Variants in KLHL29 observed in about 807,000 individuals in gnomAD.
The protein encoded by KLHL29 is kelch-like protein 29.
A neutral mutation model predicts 80.4 loss-of-function variants in KLHL29; 21 were observed. That is an observed-to-expected ratio of 0.26 (90% CI 0.19 to 0.38). KLHL29 has a LOEUF of 0.38. KLHL29 is among the 10% of genes least tolerant of loss of function. The pLI is 1.00. For synonymous variants in KLHL29, 511 were observed against 526.8 expected, an observed-to-expected ratio of 0.97 and a Z score of 0.41; for missense variants, 867 against 1,223.9, an observed-to-expected ratio of 0.71 and a Z score of 4.35.
chr2:23,597,630 G>A (rs567792903), intron 3 of KLHL29, among the ~76,000 whole-genome samples: 4 of 151,456 alleles, frequency 2.6e-5, no homozygotes, highest in South Asian at 2.1e-4. Flanking sequence ...TCACCGTGTC[G>A]GCCAGACTGG....
rs898513388 is a variant in KLHL29 at position 23,682,068 on chromosome 2, C to T, written c.941-2331C>T. 6.6e-6 allele frequency among the ~76,000 whole-genome samples: 1 copy of T among 152,118 alleles called. No homozygotes were observed. The highest frequency in any genetic ancestry group is 2.4e-5 in the African/African-American group (1 of 41,406). Reference sequence around the variant, plus strand: ...TCTTGTTCCCTCCCTTCCTGATGTCCCACCACCATCCCCTCCAAAAACCTG... The same window carrying T: ...TCTTGTTCCCTCCCTTCCTGATGTCTCACCACCATCCCCTCCAAAAACCTG... On this transcript the variant is annotated intron_variant, in intron 5 of 13. Transcript: ENST00000486442. This position sits in a 1 kb window ranked among gnomAD's most constrained non-coding sequence, Gnocchi z 4.1.
chr2:23,530,404 T>C (rs1158756904), intron 2 of KLHL29, among the ~76,000 whole-genome samples: 1 of 152,166 alleles, frequency 6.6e-6, no homozygotes, highest in Non-Finnish European at 1.5e-5. Context: ...ACTCTAATGA[T>C]CCTGCAGAAA....
chr2:23,464,261 T>G (rs1664289813), intron 1 of KLHL29, among the ~76,000 whole-genome samples: 1 of 152,182 alleles, frequency 6.6e-6, no homozygotes, highest in Non-Finnish European at 1.5e-5. Context: ...GAGGCTCATT[T>G]CCCCAGGGTC....
intron 5 of KLHL29, among the ~76,000 whole-genome samples, chr2:23,648,685 C>T (rs915946088): frequency 1.3e-5 from 2 of 152,200 alleles, no homozygotes; most frequent in Non-Finnish European, 2.9e-5. Context: ...GGGACACCGC[C>T]GGGGCCAGGT....
At chr2:23,543,940 C>T (rs1326152258) in intron 2 of KLHL29, among the ~76,000 whole-genome samples, 1 of 152,208 alleles carries the variant, frequency 6.6e-6, no homozygotes, top group Non-Finnish European at 1.5e-5. Flanking sequence ...ACCAGGTGGA[C>T]TCTCCAGGGC....
intron 2 of KLHL29, among the ~76,000 whole-genome samples, chr2:23,537,418 ACACACACACACACACACACACACACAC>A (rs956669031): frequency 0.12 from 58 of 466 alleles, no homozygotes; most frequent in African/African-American, 0.39. Flanking sequence ...GGCAGAAACT[ACACACACACACACACACACACACACAC>A]ACACACACAC....
At chr2:23,486,719 C>T (rs569497839) in intron 2 of KLHL29, among the ~76,000 whole-genome samples, 5 of 152,188 alleles carry the variant, frequency 3.3e-5, no homozygotes, top group African/African-American at 9.7e-5. Flanking sequence ...AGCACAGCTG[C>T]GGAATTGCAG....
At chr2:23,401,137 T>C (rs1558324420) in intron 1 of KLHL29, among the ~76,000 whole-genome samples, 1 of 152,266 alleles carries the variant, frequency 6.6e-6, no homozygotes, top group East Asian at 1.9e-4. Flanking sequence ...TGTCATGACA[T>C]AGATAATGCA....
intron 3 of KLHL29, among the ~76,000 whole-genome samples, chr2:23,586,466 CCTT>C (rs1668121831): frequency 6.8e-6 from 1 of 146,302 alleles, no homozygotes; most frequent in Admixed American, 7.2e-5. Context: ...TTCAAGCAAT[CCTT>C]CTGCCTCAGC....
chr2:23,420,248 C>T lies in KLHL29; in HGVS notation c.-154+34468C>T, dbSNP rs555468854. On this transcript the variant is annotated intron_variant, in intron 1 of 13. Coordinates refer to ENST00000486442, the MANE Select transcript of KLHL29 (RefSeq NM_052920.2). ...TTCAGAGCTGTCTACAGCTGGAACT[C>T]GCCCACCTTGTGGCCGTCCCTCGAA... Among the ~76,000 whole-genome samples, 405 of 152,334 alleles carry T rather than the reference C, an allele frequency of 2.7e-3. 3 individuals are homozygous for T. The highest frequency in any genetic ancestry group is 4.3e-3 in the Non-Finnish European group (295 of 68,028).
chr2:23,514,343 C>T (rs1244400397), intron 2 of KLHL29, among the ~76,000 whole-genome samples: 1 of 152,178 alleles, frequency 6.6e-6, no homozygotes, highest in African/African-American at 2.4e-5. Flanking sequence ...AGGAGTGGAC[C>T]TTAGAGCTAT....
At position 23,589,784 on chromosome 2, in the gene KLHL29, C is replaced by T. The variant is rs570729990; in HGVS notation, c.285+27303C>T. Among the ~76,000 whole-genome samples, 3 of 152,354 alleles carry T rather than the reference C, an allele frequency of 2.0e-5. No homozygotes were observed. The South Asian group carries it at 6.2e-4, about 32-fold the overall frequency. Reference sequence around the variant, plus strand: ...GAAGCTAAATCCAGCACTCTGGTTACTCAGAACAATTCTCTCAGGAGCCTT... The same window carrying T: ...GAAGCTAAATCCAGCACTCTGGTTATTCAGAACAATTCTCTCAGGAGCCTT... On this transcript the variant is annotated intron_variant, in intron 3 of 13. Transcript: ENST00000486442.
chr2:23,655,796 T>A (rs547084970), intron 5 of KLHL29, among the ~76,000 whole-genome samples: 25 of 152,224 alleles, frequency 1.6e-4, no homozygotes, highest in African/African-American at 6.0e-4. Flanking sequence ...AGACATGGTT[T>A]CCAGGAGGTG....
In KLHL29 at chr2:23,703,190, G is replaced by A. The variant is rs756718686; in HGVS notation, c.2110G>A (p.Asp704Asn). 4 of 1,441,224 alleles carry A rather than the reference G, an allele frequency of 2.8e-6. No homozygotes were observed. Among genetic ancestry groups the A allele is most frequent in the Non-Finnish European group, 3.7e-6 (4 of 1,091,654 alleles). The allele number at this position is 1,441,224 out of a possible 1,614,324, so 89.3% of individuals were successfully genotyped here. The part of the protein sequence containing the change: ...AGNVDHVERY[D>N]TITNQWEAVA... Reference sequence around the variant, plus strand: ...TCTTTTTCTCCTCTCCTGCAGGTACGACACCATCACCAACCAATGGGAGGC... The same window carrying A: ...TCTTTTTCTCCTCTCCTGCAGGTACAACACCATCACCAACCAATGGGAGGC... The change falls in exon 12 of 14, where the codon GAC becomes AAC. Residue 704 changes from aspartate (D) to asparagine (N), a missense_variant. Asp to Asn is a conservative substitution (Grantham distance 23). Coordinates refer to ENST00000486442, the MANE Select transcript of KLHL29 (RefSeq NM_052920.2).
intron 2 of KLHL29, among the ~76,000 whole-genome samples, chr2:23,553,871 G>A (rs778037465): frequency 1.4e-4 from 21 of 152,338 alleles, no homozygotes; most frequent in Non-Finnish European, 2.8e-4. Flanking sequence ...CTTTAGGGAC[G>A]GGATCAGAAC....
rs570108854 is a variant in KLHL29 at position 23,615,706 on chromosome 2, TC to T, written c.286-23429del. 2.3e-4 allele frequency among the ~76,000 whole-genome samples: 35 copies of T among 152,218 alleles called. 1 individual carries two copies. The highest frequency in any genetic ancestry group is 7.9e-4 in the African/African-American group (33 of 41,524). On this transcript the variant is annotated intron_variant, in intron 3 of 13. Transcript: ENST00000486442. ...TTATTCCAGTCTAGGGGGCTTCACA[TC>T]CCCAGACCCCTCATTTGCAGCCTGA... is the stretch of plus-strand genomic sequence containing the variant.
chr2:23,447,541 G>T (rs1279900808), intron 1 of KLHL29, among the ~76,000 whole-genome samples: 2 of 152,168 alleles, frequency 1.3e-5, no homozygotes, highest in African/African-American at 4.8e-5. Context: ...AAAAATTCCT[G>T]CATCACAAAT....
intron 3 of KLHL29, among the ~76,000 whole-genome samples, chr2:23,602,136 A>G (rs1668587276): frequency 6.6e-6 from 1 of 152,170 alleles, no homozygotes; most frequent in South Asian, 2.1e-4. Context: ...CAGAGTATCC[A>G]CTGCTCATTT....
At chr2:23,692,660 G>A (rs1311295806) in intron 7 of KLHL29, among the ~76,000 whole-genome samples, 2 of 152,164 alleles carry the variant, frequency 1.3e-5, no homozygotes, top group Admixed American at 1.3e-4. Context: ...AGAACCACTA[G>A]CATGAAGGGG....
Sources: allele counts gnomAD v4.1 joint callset (sites outside exome capture counted in the v4.1 genomes callset), GRCh38; gene constraint gnomAD v4.1.1; non-coding constraint Gnocchi (gnomAD v3.1); transcripts MANE v1.5; gene names NCBI Gene and HGNC (gene_info 2026-07-23, HGNC 2026-07-21).